BBLN: variants seen among roughly 807,000 people sequenced by gnomAD.
BBLN encodes the protein bublin coiled coil protein, also known as bublin coiled-coil protein.
Under a neutral mutation model 7.6 loss-of-function variants are expected in BBLN, and 6 were observed. The ratio of observed to expected loss-of-function variants is 0.79; its 90% CI spans 0.43 to 1.55. The LOEUF (loss-of-function observed/expected upper bound fraction) is 1.55. Ranked by LOEUF, BBLN falls within the 40% of genes most tolerant of loss-of-function variation. The pLI is 0.01. For synonymous variants in BBLN, 35 were observed against 46.7 expected (o/e 0.75, Z 1.02); for missense variants, 100 against 111.1 (o/e 0.90, Z 0.45).
rs1829273354 is a variant in BBLN, at chr9:128,163,300, C to T, written c.80-143C>T. 2 of 627,788 alleles carry T rather than the reference C, an allele frequency of 3.2e-6. No individual in the cohort carries two copies. Among genetic ancestry groups the T allele is most frequent in the African/African-American group, 1.9e-5 (1 of 53,454 alleles). 38.9% of individuals were successfully genotyped at this position (627,788 alleles called of 1,614,324 possible). A position where few individuals can be genotyped will look rare whatever the true frequency, so the allele number is the denominator to read the frequency against. ...CTCTTTTGGTATTCCACCCATTTTC[C>T]AGACGGTGACACTGAGGCTCAGGAA... On this transcript the variant is annotated intron_variant, in intron 1 of 1. Transcript: ENST00000372994. The surrounding 1 kb of genome is among the most constrained non-coding windows in gnomAD (Gnocchi z 5.7).
Position 128,160,495 on chromosome 9 carries a change from A to AG in BBLN, c.79+14dup, listed in dbSNP as rs1356529796. On this transcript the variant is annotated intron_variant, in intron 1 of 1. Coordinates refer to ENST00000372994, the MANE Select transcript of BBLN (RefSeq NM_024112.4). ...CGGCTTCGGGGAAGCAGGTGACCCG[A>AG]GGGGGCTGCTGGAGCAACCTTGCAT... The AG allele has an allele frequency of 2.3e-6, 3 of 1,280,648 alleles. No individual in the cohort carries two copies. The highest frequency in any genetic ancestry group is 3.0e-6 in the Non-Finnish European group (3 of 1,004,786). 79.3% of individuals were successfully genotyped at this position (1,280,648 alleles called of 1,614,324 possible).
At chr9:128,160,601 C>T (rs1402246980) in intron 1 of BBLN, 115 bp downstream of exon 1, 3 of 793,482 alleles carry the variant, frequency 3.8e-6, no homozygotes, top group South Asian at 4.4e-5. Context: ...CCGCCCCGAG[C>T]GGGTCCGGAG....
chr9:128,161,985 T>A (rs1053614100), intron 1 of BBLN: 23 of 152,236 alleles, frequency 1.5e-4, no homozygotes, highest in Admixed American at 1.4e-3. Context: ...CAACCTTTTT[T>A]ATTTTCCCTT....
chr9:128,161,216 A>T (rs1304593738), intron 1 of BBLN, among the ~76,000 whole-genome samples: 1 of 152,154 alleles, frequency 6.6e-6, no homozygotes, highest in Admixed American at 6.5e-5. Context: ...AATGTGGTGT[A>T]AGTATGGTGC....
At chr9:128,160,552 G>C in intron 1 of BBLN, 66 bp downstream of exon 1, 1 of 1,041,924 alleles carries the variant, frequency 9.6e-7, no homozygotes, top group Admixed American at 4.0e-5. Flanking sequence ...AAGGGGAATC[G>C]AGATGGGGTC....
chr9:128,160,818 G>A lies in BBLN; in HGVS notation c.79+332G>A, dbSNP rs1396321400. ...GGAGGCAGGGTTGAGCTTAGCGGAG[G>A]GGCCGGGCCGGGACGTGGAGTTGGG... On this transcript the variant is annotated intron_variant, in intron 1 of 1. Transcript: ENST00000372994. Among the ~76,000 whole-genome samples, 3 of 152,230 alleles carry A rather than the reference G, an allele frequency of 2.0e-5. No homozygotes were observed. The East Asian group carries it at 5.8e-4, about 29-fold the overall frequency.
chr9:128,160,925 C>T (rs1482965606), intron 1 of BBLN, among the ~76,000 whole-genome samples: 2 of 152,170 alleles, frequency 1.3e-5, no homozygotes, highest in Admixed American at 6.5e-5. Context: ...TGCCAAATGT[C>T]AGCAGCTTAC....
In BBLN at chr9:128,163,200, G is replaced by A. The variant is rs139066714; in HGVS notation, c.80-243G>A. Among the ~76,000 whole-genome samples, 206 of 152,274 alleles carry A rather than the reference G, an allele frequency of 1.4e-3. No individual in the cohort carries two copies. The East Asian group carries it at 0.014, about 10-fold the overall frequency. ...GCAGGACTTCCCATGTAGGACACTGGCTCGCCACCCTATGACCACCCTAAC... is the reference window on the plus strand; with the variant it reads ...GCAGGACTTCCCATGTAGGACACTGACTCGCCACCCTATGACCACCCTAAC... On this transcript the variant is annotated intron_variant, in intron 1 of 1. Transcript: ENST00000372994. The surrounding 1 kb of genome is among the most constrained non-coding windows in gnomAD (Gnocchi z 5.7).
intron 1 of BBLN, among the ~76,000 whole-genome samples, chr9:128,161,299 G>C (rs1281618724): frequency 6.6e-6 from 1 of 152,164 alleles, no homozygotes; most frequent in Non-Finnish European, 1.5e-5. Context: ...AGTTCAGTAG[G>C]CTTTTGTGTA....
At chr9:128,161,591 T>C (rs1378386638) in intron 1 of BBLN, among the ~76,000 whole-genome samples, 1 of 151,912 alleles carries the variant, frequency 6.6e-6, no homozygotes, top group East Asian at 1.9e-4. Flanking sequence ...TTCGAAATAT[T>C]GATAATAATG....
At position 128,163,519 on chromosome 9, in the gene BBLN, C is replaced by G. The variant is rs1008254960; in HGVS notation, c.156C>G (p.Leu52=). 1.9e-6 allele frequency: 3 copies of G among 1,612,404 alleles called. No individual in the cohort carries two copies. In the African/African-American group the frequency reaches 4.0e-5, roughly 22 times the overall value. The change falls in exon 2 of 2, where the codon CTC becomes CTG. Residue 52 remains leucine, a synonymous_variant. Transcript: ENST00000372994. This position sits in a 1 kb window ranked among gnomAD's most constrained non-coding sequence, Gnocchi z 5.7. ...LDHLEEKNDH[L]HARLQELLES... is the part of the protein sequence containing the mutation. ...ACCTGGAGGAGAAGAATGACCACCTCCACGCCCGCCTCCAGGAGCTGCTGG... is the reference window on the plus strand; with the variant it reads ...ACCTGGAGGAGAAGAATGACCACCTGCACGCCCGCCTCCAGGAGCTGCTGG...
In BBLN at chr9:128,163,535, G is replaced by C; in HGVS notation, c.172G>C (p.Glu58Gln). The C allele has an allele frequency of 6.2e-7, 1 of 1,611,476 alleles. No homozygotes were observed. Among genetic ancestry groups the C allele is most frequent in the Admixed American group, 1.7e-5 (1 of 59,742 alleles). ...KNDHLHARLQELLESNRQTRL... is the reference protein window; with the variant it reads ...KNDHLHARLQQLLESNRQTRL... ...TGACCACCTCCACGCCCGCCTCCAG[G>C]AGCTGCTGGAGTCCAACCGGCAGAC... The change falls in exon 2 of 2, where the codon GAG (glutamate) becomes CAG (glutamine). Residue 58 changes from glutamate to glutamine, a missense_variant. By Grantham distance (29) the Glu-to-Gln change is conservative. Coordinates refer to ENST00000372994, the MANE Select transcript of BBLN (RefSeq NM_024112.4). This position sits in a 1 kb window ranked among gnomAD's most constrained non-coding sequence, Gnocchi z 5.7.
chr9:128,163,617 C>G lies in BBLN; in HGVS notation c.*2C>G. The G allele has an allele frequency of 6.6e-7, 1 of 1,508,242 alleles. No individual in the cohort carries two copies. Among genetic ancestry groups the G allele is most frequent in the Non-Finnish European group, 8.9e-7 (1 of 1,125,254 alleles). The allele number at this position is 1,508,242 out of a possible 1,614,324, so 93.4% of individuals were successfully genotyped here. A position where few individuals can be genotyped will look rare whatever the true frequency, so the allele number is the denominator to read the frequency against. On this transcript the variant is annotated 3_prime_UTR_variant, in exon 2 of 2. Transcript: ENST00000372994. The surrounding 1 kb of genome is among the most constrained non-coding windows in gnomAD (Gnocchi z 5.7). ...GCCCCCAGTGATGCCAGCCCCTAGG[C>G]TCCAAGAGCCCCCAACCGGGACCCA...
At position 128,160,565 on chromosome 9, in the gene BBLN, G is replaced by A. The variant is rs990641926; in HGVS notation, c.79+79G>A. 4 of 968,926 alleles carry A rather than the reference G, an allele frequency of 4.1e-6. No individual in the cohort carries two copies. The African/African-American group carries it at 5.2e-5, about 12-fold the overall frequency. The allele number at this position is 968,926 out of a possible 1,614,324, so 60.0% of individuals were successfully genotyped here. On this transcript the variant is annotated intron_variant, in intron 1 of 1. Coordinates refer to ENST00000372994, the MANE Select transcript of BBLN (RefSeq NM_024112.4). ...GGAAGGGGAATCGAGATGGGGTCTC[G>A]GAAGGGAACAAAGAGCCCACCCATT... is the stretch of plus-strand genomic sequence containing the variant.
chr9:128,161,643 CTTT>C (rs60529484), intron 1 of BBLN, among the ~76,000 whole-genome samples: 1 of 144,222 alleles, frequency 6.9e-6, no homozygotes, highest in Non-Finnish European at 1.5e-5. Context: ...CCTGTCTGAG[CTTT>C]TTTTTTTTTT....
chr9:128,163,614 A>G lies in BBLN; in HGVS notation c.251A>G (p.Ter84TrpextTer94). Residue 84 changes from the stop codon to tryptophan, a stop_lost, in exon 2 of 2, where the codon TAG becomes TGG. Transcript: ENST00000372994. The surrounding 1 kb of genome is among the most constrained non-coding windows in gnomAD (Gnocchi z 5.7). ...LGEAPSDASP* is the reference protein window; with the variant it reads ...LGEAPSDASPW ...GAGGCCCCCAGTGATGCCAGCCCCT[A>G]GGCTCCAAGAGCCCCCAACCGGGAC... is the stretch of plus-strand genomic sequence containing the variant. 1.3e-6 allele frequency: 2 copies of G among 1,510,692 alleles called. No homozygotes were observed. The highest frequency in any genetic ancestry group is 1.8e-6 in the Non-Finnish European group (2 of 1,126,612). The allele number at this position is 1,510,692 out of a possible 1,614,324, so 93.6% of individuals were successfully genotyped here. A position where few individuals can be genotyped will look rare whatever the true frequency, so the allele number is the denominator to read the frequency against.
chr9:128,160,588 A>T, intron 1 of BBLN, 102 bp downstream of exon 1: 1 of 842,442 alleles, frequency 1.2e-6, no homozygotes, highest in South Asian at 2.2e-5. Context: ...GAGCCCACCC[A>T]TTCCGCCCCG....
At chr9:128,161,702 G>A (rs933600024) in intron 1 of BBLN, among the ~76,000 whole-genome samples, 47 of 151,604 alleles carry the variant, frequency 3.1e-4, no homozygotes, top group African/African-American at 1.1e-3. Context: ...GTACAGTGGC[G>A]TGATCTTGGC....
intron 1 of BBLN, 78 bp downstream of exon 1, chr9:128,160,564 C>T: frequency 1.0e-6 from 1 of 962,110 alleles, no homozygotes; most frequent in Non-Finnish European, 1.4e-6. Flanking sequence ...GATGGGGTCT[C>T]GGAAGGGAAC....
Sources: gnomAD v4.1 joint callset for allele counts (sites outside exome capture counted in the v4.1 genomes callset) on GRCh38, gnomAD v4.1.1 for gene constraint, Gnocchi (gnomAD v3.1) non-coding constraint, MANE v1.5 for transcripts, NCBI Gene and HGNC (gene_info 2026-07-23, HGNC 2026-07-21) for gene names.